EML6: variants seen among roughly 807,000 people sequenced by gnomAD.
The protein encoded by EML6 is echinoderm microtubule-associated protein-like 6.
EML6 carries 154 observed loss-of-function variants against 240.1 expected under a neutral mutation model. The ratio of observed to expected loss-of-function variants is 0.64; its 90% CI spans 0.56 to 0.73. EML6 has a LOEUF of 0.73. Ranked by LOEUF, EML6 falls within the 30% of genes least tolerant of loss-of-function variation. The pLI, the probability that EML6 is intolerant of heterozygous loss-of-function variation, is 0.00. For missense variants in EML6, 2,964 were observed against 2,474.6 expected (o/e 1.20, Z -4.20); for synonymous variants, 1,148 against 899.0 (o/e 1.28, Z -4.95).
chr2:54,847,589 A>C lies in EML6; in HGVS notation c.1153A>C (p.Met385Leu). 6.4e-7 allele frequency: 1 copy of C among 1,552,348 alleles called. No individual in the cohort carries two copies. Among genetic ancestry groups the C allele is most frequent in the Non-Finnish European group, 8.7e-7 (1 of 1,147,136 alleles). Residue 385 changes from methionine (M) to leucine (L), a missense_variant, in exon 9 of 42, where the codon ATG (methionine) becomes CTG (leucine). Coordinates refer to ENST00000356458, the MANE Select transcript of EML6 (RefSeq NM_001039753.4). ...SPDGSQLALG[M>L]KDGSFIVLRV... ...CGACGGATCTCAGCTGGCCCTGGGC[A>C]TGAAGGACGGCTCTTTCATTGTTCT... is the stretch of plus-strand genomic sequence containing the variant.
intron 5 of EML6, among the ~76,000 whole-genome samples, chr2:54,820,751 A>T (rs1259190565): frequency 3.9e-5 from 6 of 152,180 alleles, no homozygotes; most frequent in Non-Finnish European, 7.4e-5. Context: ...GTGGGATTGC[A>T]TGTTTTAAAA....
intron 28 of EML6, among the ~76,000 whole-genome samples, chr2:54,948,581 G>T (rs967943646): frequency 2.6e-5 from 4 of 152,172 alleles, no homozygotes; most frequent in Non-Finnish European, 4.4e-5. Flanking sequence ...CTTGTTTCAA[G>T]CCCACATGTT....
At chr2:54,789,813 T>C (rs1046585180) in intron 2 of EML6, among the ~76,000 whole-genome samples, 2 of 152,208 alleles carry the variant, frequency 1.3e-5, no homozygotes, top group African/African-American at 2.4e-5. Context: ...CAGAGTTAAC[T>C]CCAGCACACA....
intron 35 of EML6, among the ~76,000 whole-genome samples, chr2:54,961,184 G>GTTGTTTTTTTTTTTTGTTTTTTT: frequency 1.8e-5 from 1 of 55,424 alleles, no homozygotes; most frequent in South Asian, 6.9e-4. Context: ...TCAGGAAGTA[G>GTTGTTTTTTTTTTTTGTTTTTTT]TTTTTTTTTT....
intron 2 of EML6, among the ~76,000 whole-genome samples, chr2:54,793,403 T>TG (rs1553379257): frequency 2.7e-5 from 4 of 146,442 alleles, no homozygotes; most frequent in South Asian, 2.2e-4. Context: ...TTTTTTTTTT[T>TG]GGGTCCCAGC....
chr2:54,937,243 A>G (rs867505696), intron 28 of EML6, among the ~76,000 whole-genome samples: 1 of 150,168 alleles, frequency 6.7e-6, no homozygotes. Flanking sequence ...AAGCCATTGC[A>G]CTCCAGCCTG....
intron 12 of EML6, among the ~76,000 whole-genome samples, chr2:54,862,741 G>C (rs1328934693): frequency 6.6e-6 from 1 of 152,158 alleles, no homozygotes; most frequent in South Asian, 2.1e-4. Flanking sequence ...AAAGTTAAAG[G>C]CAGAGCATTA....
In EML6 at chr2:54,824,411, C is replaced by G. The variant is rs1010429478; in HGVS notation, c.526-3155C>G. Among the ~76,000 whole-genome samples the G allele has an allele frequency of 2.0e-5, 3 of 152,096 alleles. No homozygotes were observed. The East Asian group carries it at 5.8e-4, about 29-fold the overall frequency. ...AAATATAATACATTTAAGCGGACTTCAAAAAATTATTTTTGCTGTCTGTAT... is the reference window on the plus strand; with the variant it reads ...AAATATAATACATTTAAGCGGACTTGAAAAAATTATTTTTGCTGTCTGTAT... On this transcript the variant is annotated intron_variant, in intron 5 of 41. Coordinates refer to ENST00000356458, the MANE Select transcript of EML6 (RefSeq NM_001039753.4).
At chr2:54,894,138 C>G (rs1672632712) in intron 19 of EML6, among the ~76,000 whole-genome samples, 1 of 150,822 alleles carries the variant, frequency 6.6e-6, no homozygotes, top group Admixed American at 6.6e-5. Context: ...TCTTTGTAAA[C>G]TTCATAAAAA....
chr2:54,891,225 A>G (rs1244141401), intron 18 of EML6, 71 bp downstream of exon 18: 3 of 708,868 alleles, frequency 4.2e-6, no homozygotes, highest in Non-Finnish European at 4.7e-6. Context: ...AACAAAACAA[A>G]CTGTTGCTAC....
At chr2:54,761,203 T>G (rs1266891723) in intron 2 of EML6, among the ~76,000 whole-genome samples, 1 of 152,142 alleles carries the variant, frequency 6.6e-6, no homozygotes, top group Non-Finnish European at 1.5e-5. Context: ...ACCAAAGTCA[T>G]AGTACTCCCA....
intron 2 of EML6, among the ~76,000 whole-genome samples, chr2:54,777,931 T>TG (rs1668671185): frequency 6.6e-6 from 1 of 152,144 alleles, no homozygotes; most frequent in African/African-American, 2.4e-5. Context: ...TATTTACATA[T>TG]GAAAAAATAC....
chr2:54,945,655 A>G (rs1171550572), intron 28 of EML6, among the ~76,000 whole-genome samples: 3 of 152,182 alleles, frequency 2.0e-5, no homozygotes, highest in Non-Finnish European at 4.4e-5. Context: ...TTTGGCCCTG[A>G]ATGCTCTTAC....
intron 17 of EML6, among the ~76,000 whole-genome samples, chr2:54,889,266 G>A (rs1354107755): frequency 6.6e-6 from 1 of 151,736 alleles, no homozygotes; most frequent in Non-Finnish European, 1.5e-5. Flanking sequence ...CGTTTTCCTG[G>A]TCATTCCTGC....
intron 2 of EML6, among the ~76,000 whole-genome samples, chr2:54,730,766 T>C (rs1016615485): frequency 1.3e-5 from 2 of 152,248 alleles, no homozygotes; most frequent in African/African-American, 4.8e-5. Context: ...TTTATTAAGA[T>C]TTGTTTATTC....
chr2:54,863,256 G>A (rs550558970), intron 12 of EML6, among the ~76,000 whole-genome samples: 2 of 152,160 alleles, frequency 1.3e-5, no homozygotes, highest in African/African-American at 4.8e-5. Flanking sequence ...TTTAAAACCT[G>A]CCCATTTTAC....
rs1350559141 is a variant in EML6, at chr2:54,871,497, A to G, written c.2239-3A>G. 8 of 1,549,032 alleles carry G rather than the reference A, an allele frequency of 5.2e-6. No individual in the cohort carries two copies. The highest frequency in any genetic ancestry group is 4.4e-6 in the Non-Finnish European group (5 of 1,144,420). Reference sequence around the variant, plus strand: ...GTTAATAACAGTCATTCTGTTATTTAAGGTTGGAAGAGATGCTGCTATTCA... The same window carrying G: ...GTTAATAACAGTCATTCTGTTATTTGAGGTTGGAAGAGATGCTGCTATTCA... On this transcript the variant is annotated splice_region_variant and splice_polypyrimidine_tract_variant and intron_variant, in intron 15 of 41. Coordinates refer to ENST00000356458, the MANE Select transcript of EML6 (RefSeq NM_001039753.4).
chr2:54,747,074 C>T (rs1201352422), intron 2 of EML6: 1 of 152,170 alleles, frequency 6.6e-6, no homozygotes, highest in African/African-American at 2.4e-5. Flanking sequence ...TTGACCTTTT[C>T]CCTTGTGTTC....
Position 54,847,265 on chromosome 2 carries a change from G to A in EML6, c.1050-221G>A, listed in dbSNP as rs570503481. On this transcript the variant is annotated intron_variant, in intron 8 of 41. Transcript: ENST00000356458. ...AATCTTTGGAAATGTTACCTCATTT[G>A]ATAATTCTTGCTGGTTTCCTTCAAA... Among the ~76,000 whole-genome samples, 5 of 152,112 alleles carry A rather than the reference G, an allele frequency of 3.3e-5. No individual in the cohort carries two copies. The South Asian group carries it at 6.2e-4, about 19-fold the overall frequency.
Sources: gnomAD v4.1 joint callset for allele counts (sites outside exome capture counted in the v4.1 genomes callset) on GRCh38, gnomAD v4.1.1 for gene constraint, MANE v1.5 for transcripts, NCBI Gene and HGNC (gene_info 2026-07-23, HGNC 2026-07-21) for gene names.